STKLD1: variants seen among roughly 807,000 people sequenced by gnomAD.
The protein encoded by STKLD1 is serine/threonine kinase-like domain-containing protein STKLD1.
Under a neutral mutation model 80.4 loss-of-function variants are expected in STKLD1, and 79 were observed. The observed-to-expected ratio is 0.98, with a 90% CI of 0.82 to 1.19. The LOEUF is 1.19. Ranked by LOEUF, STKLD1 falls within the 50% of genes most tolerant of loss-of-function variation. STKLD1 has a pLI of 0.00. For missense variants in STKLD1, 841 were observed against 856.0 expected, an observed-to-expected ratio of 0.98 and a Z score of 0.22; for synonymous variants, 393 against 357.6, an observed-to-expected ratio of 1.10 and a Z score of -1.12.
rs368293299 is a variant in STKLD1, at chr9:133,394,300, G to C, written c.593G>C (p.Arg198Pro). 1.3e-5 allele frequency: 21 copies of C among 1,613,194 alleles called. No homozygotes were observed. The African/African-American group carries it at 2.4e-4, about 18-fold the overall frequency. ...TTGCTTTTACCAACAGACCCCTTTC[G>C]TAAGTCCTGGATGGCCCCTGAAGCC... ...WNIRAEEDPF[R>P]KSWMAPEALN... The change falls in exon 8 of 18, where the codon CGT becomes CCT. Residue 198 changes from arginine to proline, a missense_variant. Transcript: ENST00000371957. The surrounding 1 kb of genome is among the most constrained non-coding windows in gnomAD (Gnocchi z 4.9).
intron 11 of STKLD1, 73 bp downstream of exon 11, chr9:133,398,128 C>A: frequency 6.9e-7 from 1 of 1,455,746 alleles, no homozygotes; most frequent in Non-Finnish European, 9.5e-7. Context: ...CTGTGGGGAG[C>A]TGAGGCTGGC....
chr9:133,403,893 A>G, intron 15 of STKLD1, 27 bp from the exon 16 acceptor site: 1 of 1,608,882 alleles, frequency 6.2e-7, no homozygotes, highest in Non-Finnish European at 8.5e-7. Flanking sequence ...CACAGCAGGC[A>G]CAAGGCAGCC....
In STKLD1 at chr9:133,385,059, G is replaced by A. The variant is rs2130273644; in HGVS notation, c.220-558G>A. ...GGCCTGCCCAGAGCCGCACGCCGCC[G>A]TGGCTTTTCACGTTGCCGATTCCCA... On this transcript the variant is annotated intron_variant, in intron 3 of 17. Coordinates refer to ENST00000371957, the MANE Select transcript of STKLD1 (RefSeq NM_153710.5). The surrounding 1 kb of genome is among the most constrained non-coding windows in gnomAD (Gnocchi z 4.9). 6.7e-6 allele frequency among the ~76,000 whole-genome samples: 1 copy of A among 150,350 alleles called. No individual in the cohort carries two copies. Among genetic ancestry groups the A allele is most frequent in the Non-Finnish European group, 1.5e-5 (1 of 68,038 alleles).
At chr9:133,405,056 C>G (rs753910629) in intron 17 of STKLD1, 127 bp downstream of exon 17, 2 of 1,418,646 alleles carry the variant, frequency 1.4e-6, no homozygotes, top group South Asian at 1.2e-5. Context: ...CCCACTTAAA[C>G]TTCCCACTCA....
In STKLD1 at chr9:133,390,054, G is replaced by A. The variant is rs1462857264; in HGVS notation, c.467+458G>A. On this transcript the variant is annotated intron_variant, in intron 6 of 17. Coordinates refer to ENST00000371957, the MANE Select transcript of STKLD1 (RefSeq NM_153710.5). The surrounding 1 kb of genome is among the most constrained non-coding windows in gnomAD (Gnocchi z 5.1). ...ATTTAAAGAGGAAGAGGGAAACTATGCAGCTGGGCGTGGTGGTGCACGCCT... is the reference window on the plus strand; with the variant it reads ...ATTTAAAGAGGAAGAGGGAAACTATACAGCTGGGCGTGGTGGTGCACGCCT... Among the ~76,000 whole-genome samples the A allele has an allele frequency of 6.6e-6, 1 of 152,162 alleles. No homozygotes were observed. Among genetic ancestry groups the A allele is most frequent in the Non-Finnish European group, 1.5e-5 (1 of 68,028 alleles).
intron 2 of STKLD1, among the ~76,000 whole-genome samples, chr9:133,381,512 G>A (rs188743915): frequency 5.4e-5 from 8 of 147,542 alleles, no homozygotes; most frequent in African/African-American, 1.8e-4. Flanking sequence ...GTACAATGGC[G>A]TGATCTCGGC....
intron 5 of STKLD1, among the ~76,000 whole-genome samples, chr9:133,388,562 T>A (rs1198691653): frequency 1.3e-5 from 2 of 152,186 alleles, no homozygotes; most frequent in Non-Finnish European, 1.5e-5. Context: ...ACTTTCTTAA[T>A]GATGTCTTTT....
rs1479510893 is a variant in STKLD1 at position 133,405,502 on chromosome 9, ATGAC to A, written c.*84_*87del. ...CCTGCCTGCCTATTATCCCATCTCT[ATGAC>A]TGGGCCAAAATCAATCTTAAACGGG... On this transcript the variant is annotated 3_prime_UTR_variant, in exon 18 of 18. Transcript: ENST00000371957. The A allele has an allele frequency of 1.4e-6, 2 of 1,401,456 alleles. No individual in the cohort carries two copies. Among genetic ancestry groups the A allele is most frequent in the Non-Finnish European group, 1.9e-6 (2 of 1,048,836 alleles). 86.8% of individuals were successfully genotyped at this position (1,401,456 alleles called of 1,614,324 possible).
At chr9:133,403,874 G>T (rs1479935390) in intron 15 of STKLD1, 46 bp downstream of exon 15, 23 of 1,610,778 alleles carry the variant, frequency 1.4e-5, no homozygotes, top group Non-Finnish European at 2.0e-5. Context: ...GGAGGGGTGG[G>T]CCTCATGGCA....
rs900397089 is a variant in STKLD1 at position 133,376,591 on chromosome 9, G to C, written c.87+31G>C. The C allele has an allele frequency of 3.9e-6, 6 of 1,541,328 alleles. No homozygotes were observed. In the South Asian group the frequency reaches 4.8e-5, roughly 12 times the overall value. On this transcript the variant is annotated intron_variant, in intron 1 of 17. Coordinates refer to ENST00000371957, the MANE Select transcript of STKLD1 (RefSeq NM_153710.5). ...GAGTGTTCCCTGCGGGGAGGCGGGA[G>C]CTCCGTGGGGTAACGGTCGCAACCC...
At chr9:133,387,987 G>A (rs1838301889) in intron 5 of STKLD1, 1 of 395,052 alleles carries the variant, frequency 2.5e-6, no homozygotes, top group Admixed American at 2.8e-5. Flanking sequence ...TTGCGCTGCA[G>A]GCTGTTTACC....
chr9:133,404,365 A>G (rs908986822), intron 16 of STKLD1, among the ~76,000 whole-genome samples: 3 of 152,074 alleles, frequency 2.0e-5, no homozygotes, highest in Non-Finnish European at 4.4e-5. Context: ...CAGTGTCTCC[A>G]ATTCCCCACA....
chr9:133,398,177 C>T lies in STKLD1; in HGVS notation c.1081+122C>T, dbSNP rs587648831. 3.8e-4 allele frequency: 305 copies of T among 800,508 alleles called. 1 individual carries two copies. The African/African-American group carries it at 4.8e-3, about 13-fold the overall frequency. 49.6% of individuals were successfully genotyped at this position (800,508 alleles called of 1,614,324 possible). A position where few individuals can be genotyped will look rare whatever the true frequency, so the allele number is the denominator to read the frequency against. ...TCTCCTCGCCAGTGCTTTATTGCAGCGTGGAGGCGTGCATGTGTCCCCAGA... is the reference window on the plus strand; with the variant it reads ...TCTCCTCGCCAGTGCTTTATTGCAGTGTGGAGGCGTGCATGTGTCCCCAGA... On this transcript the variant is annotated intron_variant, in intron 11 of 17. Coordinates refer to ENST00000371957, the MANE Select transcript of STKLD1 (RefSeq NM_153710.5).
In STKLD1 at chr9:133,394,159, T is replaced by C. The variant is rs1306535509; in HGVS notation, c.584-132T>C. ...CTCCACCTCTTCTGAGAAGAGGACC[T>C]GCAGGGCTTGTGTTTCAAGCTGCTT... is the stretch of plus-strand genomic sequence containing the variant. On this transcript the variant is annotated intron_variant, in intron 7 of 17. Coordinates refer to ENST00000371957, the MANE Select transcript of STKLD1 (RefSeq NM_153710.5). This position sits in a 1 kb window ranked among gnomAD's most constrained non-coding sequence, Gnocchi z 4.9. The C allele has an allele frequency of 4.3e-6, 3 of 696,346 alleles. No homozygotes were observed. The highest frequency in any genetic ancestry group is 7.9e-6 in the Non-Finnish European group (3 of 380,288). 43.1% of individuals were successfully genotyped at this position (696,346 alleles called of 1,614,324 possible).
intron 3 of STKLD1, 78 bp downstream of exon 3, chr9:133,383,978 G>A (rs1438763463): frequency 1.4e-6 from 2 of 1,390,382 alleles, no homozygotes; most frequent in Non-Finnish European, 2.0e-6. Context: ...TTCTTGTTGA[G>A]TGCCTGGATG....
chr9:133,384,174 C>T lies in STKLD1; in HGVS notation c.219+274C>T, dbSNP rs1015591066. The T allele has an allele frequency of 5.0e-6, 2 of 399,182 alleles. No individual in the cohort carries two copies. Among genetic ancestry groups the T allele is most frequent in the African/African-American group, 4.1e-5 (2 of 49,030 alleles). 24.7% of individuals were successfully genotyped at this position (399,182 alleles called of 1,614,324 possible). A position where few individuals can be genotyped will look rare whatever the true frequency, so the allele number is the denominator to read the frequency against. On this transcript the variant is annotated intron_variant, in intron 3 of 17. Transcript: ENST00000371957. The surrounding 1 kb of genome is among the most constrained non-coding windows in gnomAD (Gnocchi z 4.3). ...AAATATTGGGCTGGGCACGGTGGCT[C>T]ACATTTGTAATCCCACCACTTTGGG...
At position 133,394,371 on chromosome 9, in the gene STKLD1, T is replaced by C. The variant is rs782461182; in HGVS notation, c.664T>C (p.Cys222Arg). The C allele has an allele frequency of 5.6e-6, 9 of 1,613,850 alleles. No individual in the cohort carries two copies. Among genetic ancestry groups the C allele is most frequent in the Non-Finnish European group, 7.6e-6 (9 of 1,179,916 alleles). ...SQKSDIWSLGCIILDMTSCSF... is the reference protein window; with the variant it reads ...SQKSDIWSLGRIILDMTSCSF... ...GAAATCAGACATCTGGTCCCTGGGCTGCATCATTCTGGACATGACCAGCTG... is the reference window on the plus strand; with the variant it reads ...GAAATCAGACATCTGGTCCCTGGGCCGCATCATTCTGGACATGACCAGCTG... The change falls in exon 8 of 18, where the codon TGC becomes CGC. Residue 222 changes from cysteine (C) to arginine (R), a missense_variant. Physicochemically the swap from Cys to Arg is radical, Grantham distance 180 (BLOSUM62 -3). Coordinates refer to ENST00000371957, the MANE Select transcript of STKLD1 (RefSeq NM_153710.5). The surrounding 1 kb of genome is among the most constrained non-coding windows in gnomAD (Gnocchi z 4.9).
In STKLD1 at chr9:133,389,454, C is replaced by T; in HGVS notation, c.397-72C>T. ...GGATACACCACCATCCTGCTGGCTG[C>T]TCTGAGTGTCACCCCCCTGAAAGCA... On this transcript the variant is annotated intron_variant, in intron 5 of 17. Coordinates refer to ENST00000371957, the MANE Select transcript of STKLD1 (RefSeq NM_153710.5). This position sits in a 1 kb window ranked among gnomAD's most constrained non-coding sequence, Gnocchi z 6.4. 3 of 1,578,578 alleles carry T rather than the reference C, an allele frequency of 1.9e-6. No homozygotes were observed. Among genetic ancestry groups the T allele is most frequent in the Non-Finnish European group, 8.6e-7 (1 of 1,162,426 alleles).
chr9:133,403,326 T>A (rs1554778059), intron 14 of STKLD1, among the ~76,000 whole-genome samples: 1 of 146,576 alleles, frequency 6.8e-6, no homozygotes, highest in Non-Finnish European at 1.5e-5. Context: ...CAGTCCTGGT[T>A]CCAGAGGGCA....
Sources: allele counts gnomAD v4.1 joint callset (sites outside exome capture counted in the v4.1 genomes callset), GRCh38; gene constraint gnomAD v4.1.1; non-coding constraint Gnocchi (gnomAD v3.1); transcripts MANE v1.5; gene names NCBI Gene and HGNC (gene_info 2026-07-23, HGNC 2026-07-21).